The following SYNE2 variants were observed in gnomAD, a reference collection of about 807,000 sequenced individuals.
SYNE2 encodes the protein nesprin-2.
Under a neutral mutation model 856.3 loss-of-function variants are expected in SYNE2, and 431 were observed. The observed-to-expected ratio is 0.50, with a 90% confidence interval of 0.47 to 0.55. The LOEUF is 0.55. Ranked by LOEUF, SYNE2 falls within the 20% of genes least tolerant of loss-of-function variation. SYNE2 has a pLI of 0.00. For synonymous variants in SYNE2, 2,923 were observed against 2,872.3 expected (o/e 1.02, Z -0.56); for missense variants, 8,129 against 8,023.2 (o/e 1.01, Z -0.50).
chr14:64,128,671 A>T (rs947564734), intron 74 of SYNE2, 118 bp downstream of exon 74: 2 of 713,920 alleles, frequency 2.8e-6, no homozygotes, highest in South Asian at 3.0e-5. Context: ...GTAAATAAAT[A>T]AAAAATGAGA....
chr14:63,882,834 A>G lies in SYNE2; in HGVS notation c.-51-26264A>G, dbSNP rs76057877. Among the ~76,000 whole-genome samples the G allele has an allele frequency of 5.8e-3, 882 of 152,330 alleles. 15 individuals carry two copies. The highest frequency in any genetic ancestry group is 0.021 in the African/African-American group (857 of 41,574). The stretch of plus-strand genomic sequence containing the variant: ...TTTGGACTCAGGATGGAGCTCAGAG[A>G]CACAGTGGCTGAGCCACTTAGGATA... On this transcript the variant is annotated intron_variant, in intron 1 of 115. Transcript: ENST00000555002.
At chr14:63,804,852 T>C (rs1204507307) in intron 1 of SYNE2, among the ~76,000 whole-genome samples, 1 of 152,196 alleles carries the variant, frequency 6.6e-6, no homozygotes, top group African/African-American at 2.4e-5. Flanking sequence ...AAAGTAACTG[T>C]GGTTTTGCCA....
In SYNE2 at chr14:64,126,416, G is replaced by A. The variant is rs764693955; in HGVS notation, c.13644G>A (p.Glu4548=). 15 of 1,614,068 alleles carry A rather than the reference G, an allele frequency of 9.3e-6. No individual in the cohort carries two copies. The highest frequency in any genetic ancestry group is 3.3e-5 in the Admixed American group (2 of 60,006). ...LTLSQCLSSV[E]EMLEMPRLYR... is the part of the protein sequence containing the mutation. ...TCAGTCAGTGCCTCAGCAGTGTGGA[G>A]GAGATGCTGGAGATGCCCAGACTTT... The change falls in exon 72 of 116, where the codon GAG becomes GAA. Residue 4548 remains glutamate, a synonymous_variant. Transcript: ENST00000555002.
intron 96 of SYNE2, among the ~76,000 whole-genome samples, chr14:64,181,630 G>A (rs2098458587): frequency 6.6e-6 from 1 of 152,112 alleles, no homozygotes; most frequent in Non-Finnish European, 1.5e-5. Flanking sequence ...CCAGGTCAGT[G>A]TGTTTCATCC....
intron 96 of SYNE2, among the ~76,000 whole-genome samples, chr14:64,177,766 A>G (rs537138059): frequency 1.3e-5 from 2 of 152,240 alleles, no homozygotes; most frequent in South Asian, 4.1e-4. Flanking sequence ...CTCCTCTGTA[A>G]TATAAGATGT....
intron 93 of SYNE2, among the ~76,000 whole-genome samples, chr14:64,169,727 A>G (rs999848452): frequency 1.3e-5 from 2 of 152,222 alleles, no homozygotes; most frequent in Middle Eastern, 3.2e-3. Context: ...ATCTGTACAG[A>G]AAAACATGAC....
chr14:64,076,193 G>A, intron 54 of SYNE2, 93 bp downstream of exon 54: 5 of 1,408,434 alleles, frequency 3.6e-6, no homozygotes, highest in Non-Finnish European at 4.9e-6. Context: ...CATTTGCCAG[G>A]ATTTCAGCTA....
chr14:63,897,271 A>AATAC (rs1219721742), intron 1 of SYNE2, among the ~76,000 whole-genome samples: 1 of 152,068 alleles, frequency 6.6e-6, no homozygotes, highest in Non-Finnish European at 1.5e-5. Flanking sequence ...TAAATAAATA[A>AATAC]ATAAATAAAT....
intron 103 of SYNE2, among the ~76,000 whole-genome samples, chr14:64,210,907 T>A (rs1175788421): frequency 6.6e-6 from 1 of 152,084 alleles, no homozygotes; most frequent in East Asian, 1.9e-4. Context: ...GACAACTCCC[T>A]TGCATTTCTT....
At chr14:64,086,085 C>T (rs1204925209) in intron 57 of SYNE2, among the ~76,000 whole-genome samples, 1 of 152,148 alleles carries the variant, frequency 6.6e-6, no homozygotes, top group East Asian at 1.9e-4. Flanking sequence ...CCTTACCTAA[C>T]CCAGGGTTAC....
rs1375697679 is a variant in SYNE2 at position 63,974,892 on chromosome 14, G to GTGTATATATATATATA, written c.1129-1670_1129-1669insGTATATATATATATAT. Among the ~76,000 whole-genome samples, 188 of 67,168 alleles carry GTGTATATATATATATA rather than the reference G, an allele frequency of 2.8e-3. 3 individuals carry two copies. The highest frequency in any genetic ancestry group is 4.3e-3 in the Non-Finnish European group (137 of 32,120). 44.1% of individuals were successfully genotyped at this position (67,168 alleles called of 152,430 possible). On this transcript the variant is annotated intron_variant, in intron 11 of 115. Transcript: ENST00000555002. ...TGTGTGTGTGTGTGTGTGTGTGTGT[G>GTGTATATATATATATA]TATATATATATATATATATATATAT...
At chr14:64,017,202 G>C (rs968704639) in intron 33 of SYNE2, among the ~76,000 whole-genome samples, 4 of 151,760 alleles carry the variant, frequency 2.6e-5, no homozygotes, top group African/African-American at 9.7e-5. Context: ...GGTGGTGCAT[G>C]CCTGTAATCT....
intron 1 of SYNE2, among the ~76,000 whole-genome samples, chr14:63,806,875 A>T (rs13343231): frequency 0.021 from 2,937 of 138,588 alleles, 45 homozygotes; most frequent in African/African-American, 0.047. Context: ...TAAACTTAAA[A>T]TTTTTTTTTT....
chr14:64,110,416 C>G (rs1220464084), intron 65 of SYNE2, among the ~76,000 whole-genome samples: 1 of 152,008 alleles, frequency 6.6e-6, no homozygotes, highest in African/African-American at 2.4e-5. Context: ...CTTGTAGATT[C>G]CAAAGTGTAG....
intron 96 of SYNE2, among the ~76,000 whole-genome samples, chr14:64,184,137 C>T (rs1360305182): frequency 1.3e-5 from 2 of 152,136 alleles, no homozygotes; most frequent in East Asian, 3.8e-4. Flanking sequence ...TCTTTATGAA[C>T]ATTTTAAAGC....
intron 95 of SYNE2, 51 bp from the exon 96 acceptor site, chr14:64,177,307 T>G (rs757523306): frequency 2.5e-6 from 4 of 1,608,944 alleles, no homozygotes; most frequent in Non-Finnish European, 3.4e-6. Context: ...ATTTCTACAA[T>G]TCATTCTAAA....
At position 64,119,479 on chromosome 14, in the gene SYNE2, A is replaced by G. The variant is rs748800990; in HGVS notation, c.12893A>G (p.Lys4298Arg). ...HKVAFLLETC[K>R]DQGLGDNGAT... ...GTTGCCTTTCTGTTAGAGACTTGCA[A>G]AGATCAGGGCCTGGGAGATAATGGA... is the stretch of plus-strand genomic sequence containing the variant. The change falls in exon 67 of 116, where the codon AAA becomes AGA. Residue 4298 changes from lysine (K) to arginine (R), a missense_variant. Lys to Arg is a conservative substitution (Grantham distance 26). This residue lies in a region of SYNE2 where 5,410 missense variants were observed against 5,284.8 expected (regional missense o/e 1.02). Transcript: ENST00000555002. The G allele has an allele frequency of 1.9e-6, 3 of 1,614,222 alleles. No homozygotes were observed. Among genetic ancestry groups the G allele is most frequent in the Non-Finnish European group, 2.5e-6 (3 of 1,180,026 alleles).
chr14:64,053,835 G>A (rs925570439), intron 48 of SYNE2, among the ~76,000 whole-genome samples, 178 bp downstream of exon 48: 3 of 152,136 alleles, frequency 2.0e-5, no homozygotes, highest in African/African-American at 7.2e-5. Context: ...TGGGTATGGT[G>A]GCACATGGTT....
intron 88 of SYNE2, chr14:64,162,585 A>C: frequency 1.2e-5 from 5 of 416,906 alleles, no homozygotes; most frequent in African/African-American, 2.0e-5. Flanking sequence ...CAAGTGTCTC[A>C]ACTGAGTGTG....
Sources: allele counts gnomAD v4.1 joint callset (sites outside exome capture counted in the v4.1 genomes callset), GRCh38; gene constraint gnomAD v4.1.1; regional missense constraint gnomAD v4.1.1; transcripts MANE v1.5; gene names NCBI Gene and HGNC (gene_info 2026-07-23, HGNC 2026-07-21).